The following SENP6 variants were observed in gnomAD, a reference collection of about 807,000 sequenced individuals.
SENP6 encodes the protein SUMO specific peptidase 6.
A neutral mutation model predicts 134.5 loss-of-function variants in SENP6; 41 were observed. The observed-to-expected ratio is 0.30, with a 90% CI of 0.24 to 0.40. The LOEUF (loss-of-function observed/expected upper bound fraction) is 0.40, where lower values mean the gene tolerates loss of function less well. Among genes scored for constraint, SENP6 ranks in the 10% least tolerant of loss-of-function variants. The pLI is 1.00. For missense variants in SENP6, 1,248 were observed against 1,312.5 expected (o/e 0.95, Z 0.76); for synonymous variants, 395 against 429.8 (o/e 0.92, Z 1.00).
intron 16 of SENP6, among the ~76,000 whole-genome samples, chr6:75,684,859 CT>C (rs1241625073): frequency 6.6e-6 from 1 of 152,054 alleles, no homozygotes; most frequent in Non-Finnish European, 1.5e-5. Context: ...CTGAAATTCT[CT>C]TTTTTTGTTG....
rs533229187 is a variant in SENP6, at chr6:75,641,014, T to C, written c.479+310T>C. ...CTTTTTGAAAACATAAAATAAATTA[T>C]AGTTAACCATATTCACCCTATAGTG... On this transcript the variant is annotated intron_variant, in intron 6 of 23. Coordinates refer to ENST00000447266, the MANE Select transcript of SENP6 (RefSeq NM_015571.4). Among the ~76,000 whole-genome samples the C allele has an allele frequency of 6.1e-4, 93 of 152,304 alleles. 3 individuals are homozygous for C. In the South Asian group the frequency reaches 0.018, roughly 29 times the overall value.
chr6:75,606,494 A>G (rs991094239), intron 1 of SENP6, among the ~76,000 whole-genome samples: 5 of 152,224 alleles, frequency 3.3e-5, no homozygotes, highest in Admixed American at 2.6e-4. Flanking sequence ...ACTGAGAGGC[A>G]TAACAGTGAG....
intron 18 of SENP6, among the ~76,000 whole-genome samples, chr6:75,700,724 T>C (rs1480569140): frequency 6.6e-6 from 1 of 152,162 alleles, no homozygotes; most frequent in Non-Finnish European, 1.5e-5. Context: ...ACTCCTGAGC[T>C]CAAGCGATAT....
intron 1 of SENP6, among the ~76,000 whole-genome samples, chr6:75,603,475 C>T (rs540254000): frequency 6.6e-6 from 1 of 152,302 alleles, no homozygotes; most frequent in African/African-American, 2.4e-5. Context: ...CTCAGAGACT[C>T]ATTCTTCTTG....
intron 10 of SENP6, among the ~76,000 whole-genome samples, chr6:75,668,491 A>C (rs1772421874): frequency 6.6e-6 from 1 of 152,210 alleles, no homozygotes; most frequent in Non-Finnish European, 1.5e-5. Flanking sequence ...AATGAATAGA[A>C]TTCAAAAAAA....
intron 1 of SENP6, chr6:75,611,078 C>T (rs754607612): frequency 7.3e-5 from 10 of 136,954 alleles, no homozygotes; most frequent in Non-Finnish European, 1.6e-4. Context: ...AAATCTACAA[C>T]TTTCTACCTT....
intron 7 of SENP6, among the ~76,000 whole-genome samples, chr6:75,654,148 C>T (rs2784733): frequency 0.31 from 47,644 of 152,082 alleles, 8,791 homozygotes; most frequent in Admixed American, 0.48. Flanking sequence ...CATTTGAGCC[C>T]GTCAGGTGAA....
chr6:75,689,678 C>T (rs950776759), intron 16 of SENP6, among the ~76,000 whole-genome samples: 2 of 152,106 alleles, frequency 1.3e-5, no homozygotes, highest in Non-Finnish European at 2.9e-5. Context: ...TCTGGGCACA[C>T]AAATAGTTTC....
At chr6:75,638,461 A>T (rs111629638) in intron 5 of SENP6, among the ~76,000 whole-genome samples, 1 of 149,612 alleles carries the variant, frequency 6.7e-6, no homozygotes, top group African/African-American at 2.4e-5. Context: ...AGGTACCTGT[A>T]AGAATACCAT....
At chr6:75,646,417 T>C (rs1030517511) in intron 6 of SENP6, 12 of 152,214 alleles carry the variant, frequency 7.9e-5, no homozygotes, top group Non-Finnish European at 1.5e-4. Flanking sequence ...ATTAACCTTA[T>C]TGCATTTCAA....
chr6:75,640,576 T>G, intron 5 of SENP6, 108 bp from the exon 6 acceptor site: 1 of 477,042 alleles, frequency 2.1e-6, no homozygotes, highest in Non-Finnish European at 3.6e-6. Flanking sequence ...TTAAAACAAG[T>G]TGATCACAGT....
intron 7 of SENP6, among the ~76,000 whole-genome samples, chr6:75,649,333 A>G (rs539088656): frequency 6.6e-6 from 1 of 152,088 alleles, no homozygotes; most frequent in East Asian, 1.9e-4. Flanking sequence ...AAAAAAAAGC[A>G]TTTCAAAGAT....
chr6:75,672,897 G>A (rs191276507), intron 11 of SENP6, among the ~76,000 whole-genome samples: 2 of 152,008 alleles, frequency 1.3e-5, no homozygotes, highest in East Asian at 3.9e-4. Flanking sequence ...GCGCAATCTC[G>A]GCTCACTGCA....
At chr6:75,678,759 G>A (rs767665225) in intron 15 of SENP6, 52 bp from the exon 16 acceptor site, 1 of 1,362,550 alleles carries the variant, frequency 7.3e-7, no homozygotes. Flanking sequence ...CATTTCAGTT[G>A]TGTATATATA....
At chr6:75,624,299 T>C (rs1768500516) in intron 3 of SENP6, among the ~76,000 whole-genome samples, 1 of 152,228 alleles carries the variant, frequency 6.6e-6, no homozygotes, top group Non-Finnish European at 1.5e-5. Context: ...CATTGTATTA[T>C]ATACCATTAA....
chr6:75,633,194 C>T (rs1769240947), intron 3 of SENP6, among the ~76,000 whole-genome samples: 1 of 152,090 alleles, frequency 6.6e-6, no homozygotes, highest in African/African-American at 2.4e-5. Flanking sequence ...TATACATAAG[C>T]ACAAGTTGAA....
At chr6:75,652,617 G>C (rs769894636) in intron 7 of SENP6, among the ~76,000 whole-genome samples, 2 of 137,118 alleles carry the variant, frequency 1.5e-5, no homozygotes, top group South Asian at 4.7e-4. Flanking sequence ...CAGGTGGATC[G>C]CTTGAGGTCA....
intron 3 of SENP6, among the ~76,000 whole-genome samples, chr6:75,627,356 C>T (rs1269228181): frequency 1.3e-5 from 2 of 152,178 alleles, no homozygotes; most frequent in African/African-American, 2.4e-5. Context: ...GTTTTTCCCA[C>T]TGCAGGTTTC....
At chr6:75,645,737 T>G (rs901306440) in intron 6 of SENP6, among the ~76,000 whole-genome samples, 1 of 152,184 alleles carries the variant, frequency 6.6e-6, no homozygotes, top group African/African-American at 2.4e-5. Flanking sequence ...ATTTTTATCT[T>G]GAAATGTTTA....
Sources: gnomAD v4.1 joint callset for allele counts (sites outside exome capture counted in the v4.1 genomes callset) on GRCh38, gnomAD v4.1.1 for gene constraint, MANE v1.5 for transcripts, NCBI Gene and HGNC (gene_info 2026-07-23, HGNC 2026-07-21) for gene names.